LAMB4: variants seen among roughly 807,000 people sequenced by gnomAD.
The protein encoded by LAMB4 is laminin subunit beta-4.
A neutral mutation model predicts 199.2 loss-of-function variants in LAMB4; 196 were observed. The ratio of observed to expected loss-of-function variants is 0.98; its 90% CI spans 0.88 to 1.11. LAMB4 has a LOEUF of 1.11. LAMB4 is among the 50% of genes least tolerant of loss of function. LAMB4 has a pLI of 0.00. For synonymous variants in LAMB4, 744 were observed against 770.6 expected, an observed-to-expected ratio of 0.97 and a Z score of 0.57; for missense variants, 2,080 against 2,171.2, an observed-to-expected ratio of 0.96 and a Z score of 0.83.
chr7:108,065,434 A>G (rs1376463364), intron 21 of LAMB4, among the ~76,000 whole-genome samples: 1 of 152,228 alleles, frequency 6.6e-6, no homozygotes, highest in Non-Finnish European at 1.5e-5. Context: ...TATAATATAT[A>G]TGCTACTTTA....
intron 14 of LAMB4, among the ~76,000 whole-genome samples, chr7:108,083,142 C>T (rs147166888): frequency 5.9e-5 from 9 of 152,278 alleles, no homozygotes; most frequent in East Asian, 3.9e-4. Flanking sequence ...GTGGAATAGT[C>T]GGGCTCCATT....
In LAMB4 at chr7:108,063,220, G is replaced by A. The variant is rs149661148; in HGVS notation, c.3062-226C>T. Among the ~76,000 whole-genome samples, 332 of 152,252 alleles carry A rather than the reference G, an allele frequency of 2.2e-3. 2 individuals are homozygous for A. Among genetic ancestry groups the A allele is most frequent in the Middle Eastern group, 0.017 (5 of 294 alleles). ...GTTCATGTGGTCGAACTTGCTCCAAGAGCTCACAGTTAGGATGATTAAAAG... is the reference window on the plus strand; with the variant it reads ...GTTCATGTGGTCGAACTTGCTCCAAAAGCTCACAGTTAGGATGATTAAAAG... On this transcript the variant is annotated intron_variant, in intron 22 of 33. Transcript: ENST00000388781.
At chr7:108,115,253 T>C (rs1210207459) in intron 3 of LAMB4, among the ~76,000 whole-genome samples, 3 of 152,256 alleles carry the variant, frequency 2.0e-5, no homozygotes, top group African/African-American at 7.2e-5. Context: ...TCCTTATTTT[T>C]GATCAGTTAA....
intron 14 of LAMB4, among the ~76,000 whole-genome samples, chr7:108,087,402 C>T (rs2037223913): frequency 6.6e-6 from 1 of 152,168 alleles, no homozygotes; most frequent in African/African-American, 2.4e-5. Flanking sequence ...TTTGCTTCTC[C>T]AACATACTCA....
At chr7:108,127,366 T>A (rs1479258129) in intron 1 of LAMB4, among the ~76,000 whole-genome samples, 1 of 152,060 alleles carries the variant, frequency 6.6e-6, no homozygotes, top group Non-Finnish European at 1.5e-5. Flanking sequence ...ACTAGAAACT[T>A]GAGGGTTACC....
chr7:108,046,265 T>C (rs1256429171), intron 28 of LAMB4, among the ~76,000 whole-genome samples: 1 of 150,352 alleles, frequency 6.7e-6, no homozygotes, highest in Non-Finnish European at 1.5e-5. Flanking sequence ...TGTATTTGTA[T>C]TTTTTAGTAG....
At chr7:108,031,369 G>GAAAAA (rs371230419) in intron 31 of LAMB4, among the ~76,000 whole-genome samples, 1 of 81,164 alleles carries the variant, frequency 1.2e-5, no homozygotes, top group African/African-American at 4.7e-5. Context: ...AAAAGGAAAA[G>GAAAAA]AAAAAAAAAA....
At chr7:108,036,333 C>T (rs1279571510) in intron 30 of LAMB4, among the ~76,000 whole-genome samples, 1 of 151,996 alleles carries the variant, frequency 6.6e-6, no homozygotes, top group Non-Finnish European at 1.5e-5. Flanking sequence ...GGATTACAGG[C>T]ATGCACCACT....
At chr7:108,091,916 G>C (rs2037420861) in intron 13 of LAMB4, 140 bp from the exon 14 acceptor site, 2 of 830,704 alleles carry the variant, frequency 2.4e-6, no homozygotes, top group East Asian at 2.6e-5. Flanking sequence ...GGAAGATGCA[G>C]AAAGGCCATG....
intron 29 of LAMB4, among the ~76,000 whole-genome samples, chr7:108,042,442 A>G (rs1424485662): frequency 6.6e-6 from 1 of 151,678 alleles, no homozygotes; most frequent in Non-Finnish European, 1.5e-5. Context: ...TGTAGACCCT[A>G]TTCTACCAGT....
At position 108,119,625 on chromosome 7, in the gene LAMB4, GGTGGAT is replaced by G. The variant is rs572238881; in HGVS notation, c.35-3470_35-3465del. ...GGTTAGGAAGGCAGAGGGGGAGGGA[GGTGGAT>G]GTGGCTATAAAAGGGTAGTACTAGG... is the stretch of plus-strand genomic sequence containing the variant. On this transcript the variant is annotated intron_variant, in intron 2 of 33. Transcript: ENST00000388781. Among the ~76,000 whole-genome samples, 839 of 152,286 alleles carry G rather than the reference GGTGGAT, an allele frequency of 5.5e-3. 5 individuals are homozygous for G. The highest frequency in any genetic ancestry group is 0.019 in the African/African-American group (804 of 41,544).
intron 14 of LAMB4, among the ~76,000 whole-genome samples, chr7:108,083,411 A>G (rs1232791385): frequency 1.3e-5 from 2 of 152,194 alleles, no homozygotes; most frequent in Admixed American, 6.5e-5. Flanking sequence ...AGAACCAGCC[A>G]TTCTATGGCC....
intron 14 of LAMB4, among the ~76,000 whole-genome samples, chr7:108,086,636 G>A (rs567126560): frequency 9.9e-5 from 15 of 152,164 alleles, no homozygotes; most frequent in Non-Finnish European, 2.1e-4. Flanking sequence ...GTCAGGGTAG[G>A]AAATGTCAGA....
At chr7:108,011,962 A>G in the LAMB4 span, among the ~76,000 whole-genome samples, 1 of 151,840 alleles carries the variant, frequency 6.6e-6, no homozygotes, top group Non-Finnish European at 1.5e-5. Context: ...ATTTCTATAA[A>G]CAATATAAAC....
At chr7:108,018,210 C>T in the LAMB4 span, among the ~76,000 whole-genome samples, 1 of 152,244 alleles carries the variant, frequency 6.6e-6, no homozygotes, top group African/African-American at 2.4e-5. Context: ...CAGACACACA[C>T]AGTTTTAATC....
At position 108,079,796 on chromosome 7, in the gene LAMB4, G is replaced by GA; in HGVS notation, c.1702-11dup. ...CAAACGTCTCCGAGCCCTAAAATGG[G>GA]AGAGGAATGTAAATAGCTTTGCCTA... is the stretch of plus-strand genomic sequence containing the variant. On this transcript the variant is annotated splice_polypyrimidine_tract_variant and intron_variant, in intron 14 of 33. Coordinates refer to ENST00000388781, the MANE Select transcript of LAMB4 (RefSeq NM_007356.3). 3.8e-6 allele frequency: 6 copies of GA among 1,562,780 alleles called. No individual in the cohort carries two copies. The highest frequency in any genetic ancestry group is 5.2e-6 in the Non-Finnish European group (6 of 1,157,262).
intron 14 of LAMB4, among the ~76,000 whole-genome samples, chr7:108,084,920 T>G (rs1465507734): frequency 6.6e-6 from 1 of 151,860 alleles, no homozygotes; most frequent in Non-Finnish European, 1.5e-5. Context: ...ATTTTTTATT[T>G]TTTTTGCAGA....
intron 30 of LAMB4, among the ~76,000 whole-genome samples, chr7:108,035,408 G>C (rs6956156): frequency 0.04 from 6,139 of 151,926 alleles, 431 homozygotes; most frequent in African/African-American, 0.14. Context: ...TGGGTGTAGT[G>C]GTGCATGCCT....
Position 108,091,755 on chromosome 7 carries a change from C to G in LAMB4, c.1572G>C (p.Gln524His). Residue 524 changes from glutamine (Q) to histidine (H), a missense_variant, in exon 14 of 34, where the codon CAG becomes CAC. By Grantham distance (24) the Gln-to-His change is conservative. Coordinates refer to ENST00000388781, the MANE Select transcript of LAMB4 (RefSeq NM_007356.3). Reference protein sequence around the residue: ...YSNVCSPKNGQCECRPHVTGR... With the variant: ...YSNVCSPKNGHCECRPHVTGR... ...CAGTGACATGTGGGCGGCATTCACA[C>G]TGCCCATTCTTGGGTGAGCACCTGA... 1 of 1,613,964 alleles carries G rather than the reference C, an allele frequency of 6.2e-7. No homozygotes were observed. Among genetic ancestry groups the G allele is most frequent in the Non-Finnish European group, 8.5e-7 (1 of 1,179,992 alleles).
Sources: gnomAD v4.1 joint callset for allele counts (sites outside exome capture counted in the v4.1 genomes callset) on GRCh38, gnomAD v4.1.1 for gene constraint, MANE v1.5 for transcripts, NCBI Gene and HGNC (gene_info 2026-07-23, HGNC 2026-07-21) for gene names.